The following CORO2B variants were observed in gnomAD, a reference collection of about 807,000 sequenced individuals.
CORO2B encodes the protein coronin-2B.
Under a neutral mutation model 58.8 loss-of-function variants are expected in CORO2B, and 26 were observed. The ratio of observed to expected loss-of-function variants is 0.44; its 90% CI spans 0.32 to 0.61. CORO2B has a LOEUF of 0.61. Ranked by LOEUF, CORO2B falls within the 20% of genes least tolerant of loss-of-function variation. The pLI is 0.04. For synonymous variants in CORO2B, 242 were observed against 253.8 expected (o/e 0.95, Z 0.44); for missense variants, 460 against 645.1 (o/e 0.71, Z 3.11).
At chr15:68,674,689 AC>A (rs1018654499) in intron 2 of CORO2B, among the ~76,000 whole-genome samples, 1 of 152,226 alleles carries the variant, frequency 6.6e-6, no homozygotes, top group Non-Finnish European at 1.5e-5. Context: ...CACGCGAAGA[AC>A]ATCAAACTCA....
rs1020621077 is a variant in CORO2B at position 68,645,795 on chromosome 15, A to G, written c.216+435A>G. Among the ~76,000 whole-genome samples the G allele has an allele frequency of 3.3e-5, 5 of 151,262 alleles. No homozygotes were observed. Among genetic ancestry groups the G allele is most frequent in the African/African-American group, 1.2e-4 (5 of 41,074 alleles). On this transcript the variant is annotated intron_variant, in intron 2 of 11. Transcript: ENST00000261861. This position sits in a 1 kb window ranked among gnomAD's most constrained non-coding sequence, Gnocchi z 4.5. The stretch of plus-strand genomic sequence containing the variant: ...AATTATACAATTTTTTTTTTTTGAG[A>G]TGGAGTCTTGCTCTGTCGTCCAGGC...
chr15:68,576,448 C>T (rs1899289327), upstream of CORO2B, among the ~76,000 whole-genome samples: 3 of 152,190 alleles, frequency 2.0e-5, no homozygotes, highest in South Asian at 6.2e-4. Context: ...GTACTTGTCT[C>T]ATTCTCAGAG....
chr15:68,536,940 A>G, the CORO2B span, among the ~76,000 whole-genome samples: 1 of 152,192 alleles, frequency 6.6e-6, no homozygotes, highest in Non-Finnish European at 1.5e-5. Context: ...GCTGGCAGGG[A>G]AACCACGAAT....
chr15:68,659,303 C>T (rs1397563102), intron 2 of CORO2B, among the ~76,000 whole-genome samples: 1 of 152,246 alleles, frequency 6.6e-6, no homozygotes, highest in Non-Finnish European at 1.5e-5. Context: ...TCCCCCAAAA[C>T]TTAACTCTGC....
Position 68,585,312 on chromosome 15 carries a change from C to T in CORO2B, c.15+6035C>T, listed in dbSNP as rs915904950. Among the ~76,000 whole-genome samples, 3 of 152,302 alleles carry T rather than the reference C, an allele frequency of 2.0e-5. No individual in the cohort carries two copies. The East Asian group carries it at 5.8e-4, about 29-fold the overall frequency. ...ACGCCCAGATCTTCTGGCTTTGAGC[C>T]AGAACCTTTTCAATCCGATCACATA... On this transcript the variant is annotated intron_variant, in intron 1 of 11. Coordinates refer to ENST00000261861, the MANE Select transcript of CORO2B (RefSeq NM_006091.5).
At chr15:68,698,945 C>G (rs1892577488) in intron 3 of CORO2B, among the ~76,000 whole-genome samples, 1 of 152,148 alleles carries the variant, frequency 6.6e-6, no homozygotes, top group East Asian at 1.9e-4. Context: ...GCTATGCACA[C>G]AGAGAAGAGA....
At chr15:68,584,933 C>T (rs557616378) in intron 1 of CORO2B, among the ~76,000 whole-genome samples, 3 of 118,752 alleles carry the variant, frequency 2.5e-5, no homozygotes, top group Admixed American at 1.1e-4. Flanking sequence ...GCCTGGAGTG[C>T]GGGACCAGCT....
At chr15:68,544,552 C>G in the CORO2B span, among the ~76,000 whole-genome samples, 1 of 152,140 alleles carries the variant, frequency 6.6e-6, no homozygotes, top group African/African-American at 2.4e-5. Context: ...ATAAGAAGAT[C>G]CTGATGCAGT....
chr15:68,689,640 G>C (rs36038837), intron 2 of CORO2B, among the ~76,000 whole-genome samples: 2 of 151,996 alleles, frequency 1.3e-5, no homozygotes, highest in Non-Finnish European at 2.9e-5. Flanking sequence ...TGACAGACAG[G>C]ACCAAGTTTG....
chr15:68,571,843 T>C, the CORO2B span, among the ~76,000 whole-genome samples: 5 of 152,294 alleles, frequency 3.3e-5, no homozygotes, highest in South Asian at 1.0e-3. Context: ...AATGCAGCAA[T>C]GGCAATGCCT....
intron 4 of CORO2B, 22 bp from the exon 5 acceptor site, chr15:68,711,520 T>G: frequency 1.9e-6 from 3 of 1,602,508 alleles, no homozygotes; most frequent in Non-Finnish European, 2.6e-6. Context: ...TGACCCTGCC[T>G]CCCATGCATC....
chr15:68,704,131 T>C (rs191076230), intron 3 of CORO2B, among the ~76,000 whole-genome samples: 5 of 151,350 alleles, frequency 3.3e-5, no homozygotes, highest in African/African-American at 1.2e-4. Context: ...TTTCAGCTAC[T>C]TGGGAGGCTG....
intron 2 of CORO2B, among the ~76,000 whole-genome samples, chr15:68,678,807 C>T (rs1483866629): frequency 6.6e-6 from 1 of 152,218 alleles, no homozygotes; most frequent in Non-Finnish European, 1.5e-5. Flanking sequence ...CACCACACAC[C>T]CAAACTCCAG....
At chr15:68,681,370 A>G (rs1252551790) in intron 2 of CORO2B, among the ~76,000 whole-genome samples, 1 of 152,044 alleles carries the variant, frequency 6.6e-6, no homozygotes, top group East Asian at 1.9e-4. Flanking sequence ...AGACCGTGTC[A>G]CAAGGAATGC....
At chr15:68,654,054 CTT>C (rs1901726596) in intron 2 of CORO2B, among the ~76,000 whole-genome samples, 1 of 152,310 alleles carries the variant, frequency 6.6e-6, no homozygotes, top group East Asian at 1.9e-4. Flanking sequence ...CAGTAAGTGA[CTT>C]TGGAAAAGGG....
At chr15:68,678,175 G>A (rs903861591) in intron 2 of CORO2B, among the ~76,000 whole-genome samples, 1 of 152,202 alleles carries the variant, frequency 6.6e-6, no homozygotes, top group African/African-American at 2.4e-5. Flanking sequence ...ACACTGGCGG[G>A]GTTAGGACCT....
At chr15:68,666,214 G>C (rs1902185512) in intron 2 of CORO2B, among the ~76,000 whole-genome samples, 1 of 152,132 alleles carries the variant, frequency 6.6e-6, no homozygotes, top group Non-Finnish European at 1.5e-5. Flanking sequence ...AATTCTTTGG[G>C]AACATTCTGG....
intron 2 of CORO2B, among the ~76,000 whole-genome samples, chr15:68,649,881 CAA>C (rs1392426367): frequency 6.6e-6 from 1 of 152,060 alleles, no homozygotes; most frequent in East Asian, 1.9e-4. Context: ...ACTATACACT[CAA>C]GAGAGAGAAT....
At chr15:68,582,760 G>A (rs1162406179) in intron 1 of CORO2B, among the ~76,000 whole-genome samples, 1 of 152,212 alleles carries the variant, frequency 6.6e-6, no homozygotes, top group Non-Finnish European at 1.5e-5. Context: ...TTTCCTGGCT[G>A]CTGGCTGTGA....
Sources: allele counts gnomAD v4.1 joint callset (sites outside exome capture counted in the v4.1 genomes callset), GRCh38; gene constraint gnomAD v4.1.1; non-coding constraint Gnocchi (gnomAD v3.1); transcripts MANE v1.5; gene names NCBI Gene and HGNC (gene_info 2026-07-23, HGNC 2026-07-21).